The following UVRAG variants were observed in gnomAD, a reference collection of about 807,000 sequenced individuals.
UVRAG encodes UV radiation resistance-associated gene protein.
UVRAG carries 19 observed loss-of-function variants against 78.0 expected under a neutral mutation model. The observed-to-expected ratio is 0.24, with a 90% CI of 0.17 to 0.36. The LOEUF (loss-of-function observed/expected upper bound fraction) is 0.36. Among genes scored for constraint, UVRAG ranks in the 10% least tolerant of loss-of-function variants. UVRAG has a pLI of 1.00. For missense variants in UVRAG, 740 were observed against 853.8 expected (o/e 0.87, Z 1.66); for synonymous variants, 323 against 324.6 (o/e 1.00, Z 0.05).
At chr11:75,988,122 T>C (rs552321741) in intron 8 of UVRAG, among the ~76,000 whole-genome samples, 3 of 152,340 alleles carry the variant, frequency 2.0e-5, no homozygotes, top group African/African-American at 7.2e-5. Flanking sequence ...TAAAAATCAG[T>C]TTTAATGAGG....
At chr11:75,888,966 G>A (rs1947154995) in intron 5 of UVRAG, 63 bp downstream of exon 5, 1 of 1,353,060 alleles carries the variant, frequency 7.4e-7, no homozygotes, top group Non-Finnish European at 1.0e-6. Flanking sequence ...CAGGTGTACA[G>A]GGTAGATATA....
At chr11:75,829,863 G>A (rs978678711) in intron 1 of UVRAG, among the ~76,000 whole-genome samples, 12 of 152,082 alleles carry the variant, frequency 7.9e-5, no homozygotes, top group East Asian at 3.8e-4. Context: ...TTTTTGAGAC[G>A]AAGTCTCACT....
At chr11:76,132,974 G>A (rs964358614) in intron 14 of UVRAG, among the ~76,000 whole-genome samples, 1 of 152,112 alleles carries the variant, frequency 6.6e-6, no homozygotes, top group East Asian at 1.9e-4. Context: ...CTACCTAGTG[G>A]CTTCATGACC....
chr11:76,041,064 AAG>A (rs1343859370), intron 12 of UVRAG, among the ~76,000 whole-genome samples: 1 of 152,248 alleles, frequency 6.6e-6, no homozygotes, highest in Admixed American at 6.5e-5. Context: ...ATAGCAAAAA[AAG>A]AAAAAAAATT....
chr11:75,851,815 G>A (rs1946157751), intron 1 of UVRAG, 68 bp from the exon 2 acceptor site: 1 of 1,246,938 alleles, frequency 8.0e-7, no homozygotes, highest in African/African-American at 1.5e-5. Flanking sequence ...TTTTTGAACT[G>A]CAACTTCCAG....
Position 76,133,934 on chromosome 11 carries a change from CT to C in UVRAG, c.1398-6767del, listed in dbSNP as rs200140769. 1.0e-2 allele frequency among the ~76,000 whole-genome samples: 1,472 copies of C among 147,424 alleles called. 29 individuals are homozygous for C. The highest frequency in any genetic ancestry group is 0.034 in the African/African-American group (1,375 of 40,172). ...TCTTTTTCTCCAAATCTCTTTTATA[CT>C]TTTTTTTTTCTTTTTTTCTTTTCTT... is the stretch of plus-strand genomic sequence containing the variant. On this transcript the variant is annotated intron_variant, in intron 14 of 14. Transcript: ENST00000356136.
chr11:76,055,381 TTTTG>T (rs1054764419), intron 12 of UVRAG, among the ~76,000 whole-genome samples: 5 of 152,340 alleles, frequency 3.3e-5, no homozygotes, highest in East Asian at 1.9e-4. Flanking sequence ...TAGCTAAACC[TTTTG>T]TTTGTTTATT....
intron 5 of UVRAG, among the ~76,000 whole-genome samples, chr11:75,890,994 TAGG>T (rs1358389439): frequency 6.6e-6 from 1 of 152,086 alleles, no homozygotes; most frequent in African/African-American, 2.4e-5. Context: ...AGTGATCAAA[TAGG>T]AGGACCAAAA....
intron 12 of UVRAG, among the ~76,000 whole-genome samples, chr11:76,062,622 T>C (rs755323003): frequency 6.6e-6 from 1 of 152,202 alleles, no homozygotes; most frequent in Non-Finnish European, 1.5e-5. Context: ...TCTGTTCCCC[T>C]AATCATCCTG....
Position 75,821,939 on chromosome 11 carries a change from CTG to C in UVRAG, c.117+6417_117+6418del, listed in dbSNP as rs1488101787. 4.1e-3 allele frequency among the ~76,000 whole-genome samples: 574 copies of C among 141,154 alleles called. 2 individuals carry two copies. The highest frequency in any genetic ancestry group is 0.014 in the African/African-American group (530 of 37,402). The allele number at this position is 141,154 out of a possible 152,430, so 92.6% of individuals were successfully genotyped here. A position where few individuals can be genotyped will look rare whatever the true frequency, so the allele number is the denominator to read the frequency against. The stretch of plus-strand genomic sequence containing the variant: ...TACATATTATTAACATGATTTATCA[CTG>C]TTTTTTTTTTTTTTTTTTTTGAGAC... On this transcript the variant is annotated intron_variant, in intron 1 of 14. Coordinates refer to ENST00000356136, the MANE Select transcript of UVRAG (RefSeq NM_003369.4).
chr11:75,987,840 C>T (rs1338835538), intron 8 of UVRAG, among the ~76,000 whole-genome samples: 3 of 151,814 alleles, frequency 2.0e-5, no homozygotes, highest in African/African-American at 4.8e-5. Flanking sequence ...TAGGTTCAAG[C>T]GATTATCCTG....
At chr11:75,984,502 C>A (rs1949455967) in intron 8 of UVRAG, among the ~76,000 whole-genome samples, 1 of 152,178 alleles carries the variant, frequency 6.6e-6, no homozygotes, top group African/African-American at 2.4e-5. Context: ...ATGATACTTT[C>A]AACTTACAAT....
chr11:75,984,378 G>C (rs1386787742), intron 8 of UVRAG, among the ~76,000 whole-genome samples: 1 of 152,186 alleles, frequency 6.6e-6, no homozygotes, highest in African/African-American at 2.4e-5. Context: ...TAAGTTTTGT[G>C]TTAGATGATT....
chr11:75,917,233 T>G (rs1947875430), intron 6 of UVRAG, among the ~76,000 whole-genome samples: 1 of 152,254 alleles, frequency 6.6e-6, no homozygotes, highest in Admixed American at 6.5e-5. Context: ...GTTGATTGAT[T>G]TCTGTCACTC....
At chr11:76,119,272 A>G (rs975041999) in intron 14 of UVRAG, among the ~76,000 whole-genome samples, 2 of 151,904 alleles carry the variant, frequency 1.3e-5, no homozygotes, top group African/African-American at 4.8e-5. Flanking sequence ...TTCTGCTTCT[A>G]GCTTCTCCAT....
At chr11:75,833,604 G>C (rs1488732642) in intron 1 of UVRAG, among the ~76,000 whole-genome samples, 3 of 152,200 alleles carry the variant, frequency 2.0e-5, no homozygotes, top group Non-Finnish European at 4.4e-5. Context: ...AAATATAGAG[G>C]TGTGGAGCTG....
chr11:75,990,870 G>A (rs1949591965), intron 8 of UVRAG, among the ~76,000 whole-genome samples: 1 of 152,170 alleles, frequency 6.6e-6, no homozygotes, highest in African/African-American at 2.4e-5. Context: ...TTTAGGCATG[G>A]TATAGTACCT....
chr11:76,008,836 T>C lies in UVRAG; in HGVS notation c.1029T>C (p.Gly343=). 3.3e-6 allele frequency: 5 copies of C among 1,498,552 alleles called. No homozygotes were observed. Among genetic ancestry groups the C allele is most frequent in the Non-Finnish European group, 4.5e-6 (5 of 1,110,872 alleles). 92.8% of individuals were successfully genotyped at this position (1,498,552 alleles called of 1,614,324 possible). The part of the protein sequence containing the change: ...LNEHKDYFVC[G]VKLPNSEDFQ... ...AACATAAGGATTACTTTGTATGCGG[T>C]GTCAAGTTGCCTAATTCTGAGGACT... The change falls in exon 11 of 15, where the codon GGT becomes GGC. Residue 343 remains glycine (G), a synonymous_variant. Transcript: ENST00000356136.
At chr11:75,938,467 T>C (rs968463879) in intron 6 of UVRAG, among the ~76,000 whole-genome samples, 5 of 152,252 alleles carry the variant, frequency 3.3e-5, no homozygotes, top group African/African-American at 4.8e-5. Flanking sequence ...TTTGTGTTCC[T>C]ATAAATATTC....
Sources: gnomAD v4.1 joint callset for allele counts (sites outside exome capture counted in the v4.1 genomes callset) on GRCh38, gnomAD v4.1.1 for gene constraint, MANE v1.5 for transcripts, NCBI Gene and HGNC (gene_info 2026-07-23, HGNC 2026-07-21) for gene names.